ANKRD44: variants seen among roughly 807,000 people sequenced by gnomAD.
The protein encoded by ANKRD44 is serine/threonine-protein phosphatase 6 regulatory ankyrin repeat subunit B.
A neutral mutation model predicts 116.0 loss-of-function variants in ANKRD44; 35 were observed. The ratio of observed to expected loss-of-function variants is 0.30; its 90% confidence interval spans 0.23 to 0.40. The LOEUF (loss-of-function observed/expected upper bound fraction) is 0.40, where lower values mean the gene tolerates loss of function less well. ANKRD44 is among the 10% of genes least tolerant of loss of function. ANKRD44 has a pLI of 1.00. For synonymous variants in ANKRD44, 435 were observed against 461.8 expected (o/e 0.94, Z 0.74); for missense variants, 1,014 against 1,242.6 (o/e 0.82, Z 2.77).
chr2:197,121,570 A>G lies in ANKRD44; in HGVS notation c.694-26T>C, dbSNP rs569261800. On this transcript the variant is annotated intron_variant, in intron 7 of 27. Coordinates refer to ENST00000282272, the MANE Select transcript of ANKRD44 (RefSeq NM_001195144.2). Reference sequence around the variant, plus strand: ...CTGCAAAAGAGTCCAACACAGGGTGATTAAAGTCATTAGAGCCAGTTTACT... The same window carrying G: ...CTGCAAAAGAGTCCAACACAGGGTGGTTAAAGTCATTAGAGCCAGTTTACT... The G allele has an allele frequency of 1.2e-4, 195 of 1,595,886 alleles. 3 individuals are homozygous for G. In the South Asian group the frequency reaches 2.0e-3, roughly 17 times the overall value.
At chr2:196,982,287 T>C (rs373773899), downstream of ANKRD44, among the ~76,000 whole-genome samples, 146 of 151,706 alleles carry the variant, frequency 9.6e-4, no homozygotes, top group African/African-American at 3.3e-3. Context: ...AGAAAGAAGA[T>C]GTAAGTTGTT....
At chr2:197,119,268 A>G (rs975052685) in intron 8 of ANKRD44, among the ~76,000 whole-genome samples, 5 of 151,608 alleles carry the variant, frequency 3.3e-5, no homozygotes, top group African/African-American at 1.2e-4. Context: ...CTCAGGTCTG[A>G]TCATATGACC....
At chr2:197,258,585 A>G (rs907472353) in intron 1 of ANKRD44, among the ~76,000 whole-genome samples, 6 of 152,080 alleles carry the variant, frequency 3.9e-5, no homozygotes, top group Non-Finnish European at 7.4e-5. Flanking sequence ...TCTGCTTTCA[A>G]TTCTTTTGGA....
intron 9 of ANKRD44, among the ~76,000 whole-genome samples, chr2:197,109,513 A>G (rs913831590): frequency 2.0e-5 from 3 of 152,242 alleles, no homozygotes; most frequent in African/African-American, 7.2e-5. Context: ...CTTGCTAAGC[A>G]TAATTCCACT....
chr2:197,113,553 A>G (rs1233705650), intron 8 of ANKRD44, among the ~76,000 whole-genome samples: 4 of 152,220 alleles, frequency 2.6e-5, no homozygotes, highest in African/African-American at 9.6e-5. Flanking sequence ...TTCCATGTCT[A>G]TAAAAGAGCT....
intron 9 of ANKRD44, among the ~76,000 whole-genome samples, chr2:197,102,884 T>C (rs1258040331): frequency 6.6e-6 from 1 of 152,170 alleles, no homozygotes; most frequent in East Asian, 1.9e-4. Flanking sequence ...TTACAATTAT[T>C]TTTCTCCCAG....
In ANKRD44 at chr2:197,007,930, A is replaced by G; in HGVS notation, c.2013-7T>C. The stretch of plus-strand genomic sequence containing the variant: ...TGCAAGCATCAGTGGTGTTCTAGGC[A>G]GAGAGATAAAGCAGGCTTTTAAAAA... On this transcript the variant is annotated splice_polypyrimidine_tract_variant and splice_region_variant and intron_variant, in intron 19 of 27. Coordinates refer to ENST00000282272, the MANE Select transcript of ANKRD44 (RefSeq NM_001195144.2). 1.9e-6 allele frequency: 3 copies of G among 1,593,162 alleles called. No individual in the cohort carries two copies. The highest frequency in any genetic ancestry group is 2.6e-6 in the Non-Finnish European group (3 of 1,162,160).
chr2:197,135,226 G>A (rs969903923), intron 4 of ANKRD44: 4 of 152,208 alleles, frequency 2.6e-5, no homozygotes, highest in African/African-American at 7.2e-5. Flanking sequence ...TGCAACTTCT[G>A]TATATTAATT....
chr2:197,248,997 G>A (rs1223388503), intron 1 of ANKRD44, among the ~76,000 whole-genome samples: 1 of 152,326 alleles, frequency 6.6e-6, no homozygotes, highest in East Asian at 1.9e-4. Context: ...AGCTGGCCGA[G>A]TGAGGTGGCT....
At chr2:197,214,989 T>G (rs1286532805) in intron 1 of ANKRD44, among the ~76,000 whole-genome samples, 1 of 152,158 alleles carries the variant, frequency 6.6e-6, no homozygotes, top group Non-Finnish European at 1.5e-5. Flanking sequence ...GTGATTCTCA[T>G]GCCTCAGCCT....
intron 21 of ANKRD44, among the ~76,000 whole-genome samples, chr2:196,977,843 C>A (rs1174947991): frequency 2.6e-5 from 4 of 151,984 alleles, no homozygotes; most frequent in Non-Finnish European, 5.9e-5. Context: ...TACACAATTC[C>A]ACTCCTAGGT....
chr2:197,258,825 C>T (rs1438131928), intron 1 of ANKRD44, among the ~76,000 whole-genome samples: 1 of 152,176 alleles, frequency 6.6e-6, no homozygotes, highest in Non-Finnish European at 1.5e-5. Context: ...ACTGGCATTT[C>T]CCTAATGATC....
chr2:197,001,656 C>G (rs1268055657), intron 22 of ANKRD44, 97 bp downstream of exon 22: 3 of 798,292 alleles, frequency 3.8e-6, no homozygotes, highest in Non-Finnish European at 6.0e-6. Context: ...TCAGTCTTAT[C>G]TGTAATCTAA....
intron 1 of ANKRD44, among the ~76,000 whole-genome samples, chr2:197,256,847 C>G (rs1245128880): frequency 1.3e-5 from 2 of 152,134 alleles, no homozygotes; most frequent in Non-Finnish European, 2.9e-5. Context: ...CTTCCATGTA[C>G]TCCCAGTAAA....
intron 1 of ANKRD44, among the ~76,000 whole-genome samples, chr2:197,277,021 A>T (rs1031532171): frequency 2.0e-5 from 3 of 147,198 alleles, no homozygotes; most frequent in African/African-American, 7.7e-5. Context: ...TCTGCCTCCC[A>T]CGTTCACGCC....
chr2:197,193,422 T>G (rs2080869668), intron 1 of ANKRD44, among the ~76,000 whole-genome samples: 1 of 152,186 alleles, frequency 6.6e-6, no homozygotes, highest in African/African-American at 2.4e-5. Context: ...ATGTTAATTT[T>G]TATTGATTAA....
In ANKRD44 at chr2:197,007,507, C is replaced by G. The variant is rs114326307; in HGVS notation, c.2130+299G>C. Among the ~76,000 whole-genome samples, 1,332 of 152,270 alleles carry G rather than the reference C, an allele frequency of 8.7e-3. 5 individuals are homozygous for G. The highest frequency in any genetic ancestry group is 0.027 in the Middle Eastern group (8 of 294). On this transcript the variant is annotated intron_variant, in intron 20 of 27. Coordinates refer to ENST00000282272, the MANE Select transcript of ANKRD44 (RefSeq NM_001195144.2). ...TATTCTGCAAATTTTCTATGATATA[C>G]TTGTATTTTGTAGTCAGAAAGCAGA...
intron 17 of ANKRD44, 68 bp from the exon 18 acceptor site, chr2:197,013,780 AG>A (rs1403016992): frequency 6.4e-7 from 1 of 1,558,396 alleles, no homozygotes; most frequent in Non-Finnish European, 8.8e-7. Context: ...AGTCCACAGG[AG>A]GGGCTGGGCT....
At chr2:197,059,391 C>A (rs187984846) in intron 16 of ANKRD44, among the ~76,000 whole-genome samples, 1 of 152,272 alleles carries the variant, frequency 6.6e-6, no homozygotes, top group African/African-American at 2.4e-5. Context: ...GCATAAATTT[C>A]TCACTTTAAG....
Sources: gnomAD v4.1 joint callset for allele counts (sites outside exome capture counted in the v4.1 genomes callset) on GRCh38, gnomAD v4.1.1 for gene constraint, MANE v1.5 for transcripts, NCBI Gene and HGNC (gene_info 2026-07-23, HGNC 2026-07-21) for gene names.